The following PREB variants were observed in gnomAD, a reference collection of about 807,000 sequenced individuals.
PREB encodes guanine nucleotide-exchange factor SEC12.
PREB carries 29 observed loss-of-function variants against 46.7 expected under a neutral mutation model. The observed-to-expected ratio is 0.62, with a 90% CI of 0.46 to 0.85. The LOEUF (loss-of-function observed/expected upper bound fraction) is 0.85, where lower values mean the gene tolerates loss of function less well. PREB is among the 40% of genes least tolerant of loss of function. The pLI, the probability that PREB is intolerant of heterozygous loss-of-function variation, is 0.00. For synonymous variants in PREB, 224 were observed against 220.1 expected (o/e 1.02, Z -0.16); for missense variants, 494 against 528.4 (o/e 0.93, Z 0.64).
intron 7 of PREB, 49 bp from the exon 8 acceptor site, chr2:27,131,880 C>A: frequency 6.2e-7 from 1 of 1,603,550 alleles, no homozygotes. Context: ...TGGGAACTCT[C>A]TTTCTGGAAA....
Position 27,130,876 on chromosome 2 carries a change from C to A in PREB, c.*538G>T. ...TAGACTACCTAGGAACTTATTGCAT[C>A]TTTAGGCCAGCTGGCTTAGTGCTAC... On this transcript the variant is annotated 3_prime_UTR_variant, in exon 9 of 9. Transcript: ENST00000260643. 9.2e-7 allele frequency: 1 copy of A among 1,081,454 alleles called. No homozygotes were observed. The highest frequency in any genetic ancestry group is 1.3e-6 in the Non-Finnish European group (1 of 756,486). The allele number at this position is 1,081,454 out of a possible 1,614,324, so 67.0% of individuals were successfully genotyped here. A position where few individuals can be genotyped will look rare whatever the true frequency, so the allele number is the denominator to read the frequency against.
chr2:27,132,467 G>A lies in PREB; in HGVS notation c.753-64C>T, dbSNP rs1238212128. On this transcript the variant is annotated intron_variant, in intron 5 of 8. Transcript: ENST00000260643. The surrounding 1 kb of genome is among the most constrained non-coding windows in gnomAD (Gnocchi z 4.0). ...TGCCCAACCCTCCTCAGAGGTTTGT[G>A]CACCACCTGCACCCTGGTCAGACCT... 6.3e-6 allele frequency: 10 copies of A among 1,588,368 alleles called. No individual in the cohort carries two copies. The highest frequency in any genetic ancestry group is 4.0e-5 in the African/African-American group (3 of 74,402).
chr2:27,130,818 T>A lies in PREB; in HGVS notation c.*596A>T, dbSNP rs540922561. On this transcript the variant is annotated 3_prime_UTR_variant, in exon 9 of 9. Transcript: ENST00000260643. ...TATCAACTTTTCCTGCCTAATGGGC[T>A]GAGGTTCATTTTCCCATTCCTCAAG... The A allele has an allele frequency of 8.6e-6, 13 of 1,507,914 alleles. No homozygotes were observed. The highest frequency in any genetic ancestry group is 7.0e-5 in the South Asian group (6 of 85,984). The allele number at this position is 1,507,914 out of a possible 1,614,324, so 93.4% of individuals were successfully genotyped here.
In PREB at chr2:27,133,304, C is replaced by G. The variant is rs756693836; in HGVS notation, c.359G>C (p.Gly120Ala). 4.3e-6 allele frequency: 7 copies of G among 1,614,184 alleles called. No individual in the cohort carries two copies. Among genetic ancestry groups the G allele is most frequent in the Non-Finnish European group, 5.9e-6 (7 of 1,180,042 alleles). The part of the protein sequence containing the change: ...SKEQGPRQRK[G>A]AAPAEKKCGA... ...ACATTTCTTCTCTGCTGGGGCTGCT[C>G]CCTTCCTTTGTCGAGGCCCCTGCTC... Residue 120 changes from glycine (G) to alanine (A), a missense_variant, in exon 3 of 9, where the codon GGA (glycine) becomes GCA (alanine). By Grantham distance (60) the Gly-to-Ala change is moderately conservative. Coordinates refer to ENST00000260643, the MANE Select transcript of PREB (RefSeq NM_013388.6).
rs1278889271 is a variant in PREB, at chr2:27,131,319, G to A, written c.*95C>T. The A allele has an allele frequency of 2.6e-6, 3 of 1,171,630 alleles. No individual in the cohort carries two copies. The African/African-American group carries it at 4.6e-5, about 18-fold the overall frequency. The allele number at this position is 1,171,630 out of a possible 1,614,324, so 72.6% of individuals were successfully genotyped here. Reference sequence around the variant, plus strand: ...CATCTTGTCAGCGGCAACCTCAGCTGTGGACCCGAATGGAGTGAGCAAAGG... The same window carrying A: ...CATCTTGTCAGCGGCAACCTCAGCTATGGACCCGAATGGAGTGAGCAAAGG... On this transcript the variant is annotated 3_prime_UTR_variant, in exon 9 of 9. Transcript: ENST00000260643.
Position 27,131,655 on chromosome 2 carries a change from C to T in PREB, c.1159+17G>A. On this transcript the variant is annotated intron_variant, in intron 8 of 8. Coordinates refer to ENST00000260643, the MANE Select transcript of PREB (RefSeq NM_013388.6). ...AAACGTGGGGTGGTGCCTGCCTGCC[C>T]TGCCCCAATGACTCACGCCGTGAGG... 2 of 1,613,062 alleles carry T rather than the reference C, an allele frequency of 1.2e-6. No individual in the cohort carries two copies. Among genetic ancestry groups the T allele is most frequent in the South Asian group, 2.2e-5 (2 of 90,966 alleles).
At chr2:27,133,510 G>A (rs1387271520) in intron 2 of PREB, 22 bp downstream of exon 2, 12 of 1,610,010 alleles carry the variant, frequency 7.5e-6, no homozygotes, top group Non-Finnish European at 1.0e-5. Flanking sequence ...TTCCCCAAGG[G>A]GGTAGAGAGG....
In PREB at chr2:27,130,926, C is replaced by G; in HGVS notation, c.*488G>C. On this transcript the variant is annotated 3_prime_UTR_variant, in exon 9 of 9. Transcript: ENST00000260643. Reference sequence around the variant, plus strand: ...CCCATCTGAACCCCCAGATTACTACCCAAGTCTTCCTTTTGCCCCTTCCTG... The same window carrying G: ...CCCATCTGAACCCCCAGATTACTACGCAAGTCTTCCTTTTGCCCCTTCCTG... 2.8e-6 allele frequency: 2 copies of G among 704,586 alleles called. No individual in the cohort carries two copies. The highest frequency in any genetic ancestry group is 1.9e-5 in the South Asian group (1 of 52,348). The allele number at this position is 704,586 out of a possible 1,614,324, so 43.6% of individuals were successfully genotyped here. A position where few individuals can be genotyped will look rare whatever the true frequency, so the allele number is the denominator to read the frequency against.
At position 27,134,353 on chromosome 2, in the gene PREB, G is replaced by A. The variant is rs1463545953; in HGVS notation, c.69C>T (p.Pro23=). The A allele has an allele frequency of 1.2e-6, 2 of 1,611,300 alleles. No homozygotes were observed. The highest frequency in any genetic ancestry group is 8.5e-7 in the Non-Finnish European group (1 of 1,179,466). The change falls in exon 1 of 9, where the codon CCC becomes CCT. Residue 23 remains proline (P), a synonymous_variant. Transcript: ENST00000260643. ...PFPLYALQVD[P]STGLLIAAGG... ...CCGCAGCGATGAGCAGCCCAGTGCT[G>A]GGGTCGACCTGAAGCGCGTACAACG...
Position 27,132,255 on chromosome 2 carries a change from C to A in PREB, c.901G>T (p.Glu301Ter). 1 of 1,614,206 alleles carries A rather than the reference C, an allele frequency of 6.2e-7. No individual in the cohort carries two copies. The highest frequency in any genetic ancestry group is 1.7e-5 in the Admixed American group (1 of 60,026). ...LPLRTKSCGH[E>*]VVSCLDVSES... The stretch of plus-strand genomic sequence containing the variant: ...CTGACATCGAGGCAGGAGACGACTT[C>A]ATGGCCACAGGACTTGGTCCGAAGG... The change falls in exon 6 of 9, where the codon GAA becomes TAA. Residue 301 changes from glutamate to a stop codon, truncating the protein, a stop_gained. Coordinates refer to ENST00000260643, the MANE Select transcript of PREB (RefSeq NM_013388.6). LOFTEE classifies it high-confidence loss of function. This position sits in a 1 kb window ranked among gnomAD's most constrained non-coding sequence, Gnocchi z 4.0.
intron 1 of PREB, chr2:27,134,079 T>A: frequency 1.4e-6 from 1 of 705,426 alleles, no homozygotes. Context: ...TGCAGCTGTG[T>A]GCAGTTTTCA....
Position 27,130,771 on chromosome 2 carries a change from C to G in PREB, c.*643G>C, listed in dbSNP as rs748904063. ...AAGAGTACCATTTGGGGTCTCAGTT[C>G]ACTCTTTCCTTGTTTATTAAATATC... On this transcript the variant is annotated 3_prime_UTR_variant, in exon 9 of 9. Transcript: ENST00000260643. 6.2e-7 allele frequency: 1 copy of G among 1,603,204 alleles called. No homozygotes were observed. Among genetic ancestry groups the G allele is most frequent in the Non-Finnish European group, 8.5e-7 (1 of 1,170,384 alleles).
Position 27,130,832 on chromosome 2 carries a change from C to A in PREB, c.*582G>T. 1.4e-6 allele frequency: 2 copies of A among 1,456,722 alleles called. No individual in the cohort carries two copies. Among genetic ancestry groups the A allele is most frequent in the Non-Finnish European group, 1.9e-6 (2 of 1,056,454 alleles). The allele number at this position is 1,456,722 out of a possible 1,614,324, so 90.2% of individuals were successfully genotyped here. A position where few individuals can be genotyped will look rare whatever the true frequency, so the allele number is the denominator to read the frequency against. On this transcript the variant is annotated 3_prime_UTR_variant, in exon 9 of 9. Transcript: ENST00000260643. ...GCCTAATGGGCTGAGGTTCATTTTC[C>A]CATTCCTCAAGGTAAGGGTAGACTA...
intron 8 of PREB, 78 bp from the exon 9 acceptor site, chr2:27,131,586 T>G (rs1672271157): frequency 1.3e-6 from 2 of 1,593,924 alleles, no homozygotes; most frequent in Admixed American, 3.4e-5. Flanking sequence ...AAAGGAGGAG[T>G]GGCACAAAGA....
In PREB at chr2:27,132,588, C is replaced by A. The variant is rs772642492; in HGVS notation, c.752+15G>T. 3 of 1,613,850 alleles carry A rather than the reference C, an allele frequency of 1.9e-6. No homozygotes were observed. The highest frequency in any genetic ancestry group is 1.3e-5 in the African/African-American group (1 of 75,038). On this transcript the variant is annotated intron_variant, in intron 5 of 8. Coordinates refer to ENST00000260643, the MANE Select transcript of PREB (RefSeq NM_013388.6). The surrounding 1 kb of genome is among the most constrained non-coding windows in gnomAD (Gnocchi z 4.0). ...GGGCTATGCCTCTTTCAGCCACCACCCAAAGTCTTCACACCTGCAGGCCTG... is the reference window on the plus strand; with the variant it reads ...GGGCTATGCCTCTTTCAGCCACCACACAAAGTCTTCACACCTGCAGGCCTG...
rs778947004 is a variant in PREB, at chr2:27,132,051, CTG to C, written c.956_957del (p.Thr319SerfsTer35). 1 of 1,614,202 alleles carries C rather than the reference CTG, an allele frequency of 6.2e-7. No individual in the cohort carries two copies. Among genetic ancestry groups the C allele is most frequent in the Non-Finnish European group, 8.5e-7 (1 of 1,180,020 alleles). Reference protein sequence around the residue: ...SESGTFLGLGTVTGSVAIYIA... With the variant: ...SESGTFLGLGXVTGSVAIYIA... ...ATGTAGATGGCAACAGAGCCAGTGA[CTG>C]TGCCCAGGCCTAGGAAGGTGCCGGA... On this transcript the variant is annotated frameshift_variant, in exon 7 of 9. Transcript: ENST00000260643. LOFTEE classifies it high-confidence loss of function. The surrounding 1 kb of genome is among the most constrained non-coding windows in gnomAD (Gnocchi z 4.0).
chr2:27,131,126 C>T lies in PREB; in HGVS notation c.*288G>A, dbSNP rs1672243239. 1.1e-5 allele frequency: 6 copies of T among 528,746 alleles called. No homozygotes were observed. Among genetic ancestry groups the T allele is most frequent in the Non-Finnish European group, 2.0e-5 (6 of 296,244 alleles). 32.8% of individuals were successfully genotyped at this position (528,746 alleles called of 1,614,324 possible). A position where few individuals can be genotyped will look rare whatever the true frequency, so the allele number is the denominator to read the frequency against. On this transcript the variant is annotated 3_prime_UTR_variant, in exon 9 of 9. Transcript: ENST00000260643. The stretch of plus-strand genomic sequence containing the variant: ...TGTTTCTAGATAAGGACAAGCTCAA[C>T]TCTGGAGCCTCTGGTAGGCAGAAGA...
In PREB at chr2:27,132,828, C is replaced by T. The variant is rs188505656; in HGVS notation, c.627+15G>A. The T allele has an allele frequency of 4.7e-3, 7,653 of 1,613,742 alleles. 27 individuals are homozygous for T. The highest frequency in any genetic ancestry group is 6.0e-3 in the Non-Finnish European group (7,067 of 1,179,744). On this transcript the variant is annotated intron_variant, in intron 4 of 8. Transcript: ENST00000260643. The surrounding 1 kb of genome is among the most constrained non-coding windows in gnomAD (Gnocchi z 4.0). ...CTCTCCTTTCTCCATCCTCCTCCCACCCCCAGCCCCTCACCTTGCCATCAG... is the reference window on the plus strand; with the variant it reads ...CTCTCCTTTCTCCATCCTCCTCCCATCCCCAGCCCCTCACCTTGCCATCAG...
Position 27,133,233 on chromosome 2 carries a change from A to G in PREB, c.430T>C (p.Leu144=). 6.2e-7 allele frequency: 1 copy of G among 1,614,170 alleles called. No homozygotes were observed. The highest frequency in any genetic ancestry group is 1.7e-5 in the Admixed American group (1 of 60,026). Residue 144 remains leucine, a synonymous_variant, in exon 3 of 9, where the codon TTG becomes CTG. Coordinates refer to ENST00000260643, the MANE Select transcript of PREB (RefSeq NM_013388.6). The part of the protein sequence containing the change: ...HEGLELRVEN[L]QAVQTDFSSD... ...CTAAAGTCTGTCTGCACCGCCTGCA[A>G]ATTCTCTACCCTGAGTTCTAGCCCC...
Sources: gnomAD v4.1 joint callset for allele counts on GRCh38, gnomAD v4.1.1 for gene constraint, Gnocchi (gnomAD v3.1) non-coding constraint, MANE v1.5 for transcripts, NCBI Gene and HGNC (gene_info 2026-07-23, HGNC 2026-07-21) for gene names.